Variants in AKR1A1 observed in about 807,000 individuals in gnomAD.
AKR1A1 encodes HEL-S-165mP.
A neutral mutation model predicts 39.2 loss-of-function variants in AKR1A1; 26 were observed. The observed-to-expected ratio is 0.66, with a 90% CI of 0.49 to 0.92. The LOEUF is 0.92. AKR1A1 is among the 40% of genes least tolerant of loss of function. The pLI, the probability that AKR1A1 is intolerant of heterozygous loss-of-function variation, is 0.00. For missense variants in AKR1A1, 378 were observed against 406.5 expected (o/e 0.93, Z 0.60); for synonymous variants, 141 against 155.5 (o/e 0.91, Z 0.69).
intron 2 of AKR1A1, among the ~76,000 whole-genome samples, chr1:45,563,261 G>A (rs550220052): frequency 3.9e-5 from 6 of 151,962 alleles, no homozygotes; most frequent in Non-Finnish European, 7.4e-5. Context: ...TTAGCCAGGC[G>A]TGGTGGCACA....
chr1:45,558,700 A>G (rs1379862917), intron 1 of AKR1A1, among the ~76,000 whole-genome samples: 3 of 151,904 alleles, frequency 2.0e-5, no homozygotes, highest in African/African-American at 7.3e-5. Context: ...ACCCGGCCTA[A>G]TTTTTGTATT....
Position 45,557,652 on chromosome 1 carries a change from C to A in AKR1A1, c.-6-4137C>A, listed in dbSNP as rs575881647. ...GTCATTGGGCATTAAGCCCAGGAAA[C>A]CTGCCTTAGACCCTGGTGGCAGCAG... On this transcript the variant is annotated intron_variant, in intron 1 of 8. Coordinates refer to ENST00000351829, the MANE Select transcript of AKR1A1 (RefSeq NM_153326.3). Among the ~76,000 whole-genome samples the A allele has an allele frequency of 4.6e-5, 7 of 152,290 alleles. No individual in the cohort carries two copies. In the South Asian group the frequency reaches 1.4e-3, roughly 32 times the overall value.
In AKR1A1 at chr1:45,568,973, CCTT is replaced by C. The variant is rs763004555; in HGVS notation, c.802_804del (p.Ser268del). ...GATCTGCATCCCCAAAAGTATCACT[CCTT>C]CTCGAATCCTTCAGAACATCAAGGT... On this transcript the variant is annotated inframe_deletion, in exon 7 of 9. Transcript: ENST00000351829. 5.6e-6 allele frequency: 9 copies of C among 1,614,066 alleles called. No homozygotes were observed. The highest frequency in any genetic ancestry group is 1.6e-4 in the Middle Eastern group (1 of 6,084).
rs61758860 is a variant in AKR1A1 at position 45,568,039 on chromosome 1, C to T, written c.414C>T (p.Thr138=). ...ATGGGACTATATGCTACGACTCCAC[C>T]CACTACAAGGAGACTTGGAAGGCTC... ...NADGTICYDS[T]HYKETWKALE... Residue 138 remains threonine (T), a synonymous_variant, in exon 5 of 9, where the codon ACC becomes ACT. Coordinates refer to ENST00000351829, the MANE Select transcript of AKR1A1 (RefSeq NM_153326.3). 5,951 of 1,613,912 alleles carry T rather than the reference C, an allele frequency of 3.7e-3. 20 individuals carry two copies. The highest frequency in any genetic ancestry group is 4.7e-3 in the Non-Finnish European group (5,505 of 1,179,982).
intron 2 of AKR1A1, among the ~76,000 whole-genome samples, chr1:45,562,330 A>ATT (rs957556536): frequency 0.01 from 1,388 of 132,202 alleles, 16 homozygotes; most frequent in African/African-American, 0.031. Flanking sequence ...AGGTCAGCAA[A>ATT]TTTTTTTTTT....
Position 45,565,529 on chromosome 1 carries a change from A to G in AKR1A1, c.85-1040A>G, listed in dbSNP as rs1382243253. 5.9e-5 allele frequency among the ~76,000 whole-genome samples: 9 copies of G among 151,898 alleles called. No individual in the cohort carries two copies. The East Asian group carries it at 1.7e-3, about 29-fold the overall frequency. ...CTCTGTCTCGCCCAGGATGAAGTGCAGTGGCATGATCTCAGCTCACTGCAG... is the reference window on the plus strand; with the variant it reads ...CTCTGTCTCGCCCAGGATGAAGTGCGGTGGCATGATCTCAGCTCACTGCAG... On this transcript the variant is annotated intron_variant, in intron 2 of 8. Transcript: ENST00000351829.
chr1:45,554,051 C>T (rs1028563988), intron 1 of AKR1A1, among the ~76,000 whole-genome samples: 2 of 151,786 alleles, frequency 1.3e-5, no homozygotes, highest in Admixed American at 1.3e-4. Context: ...CCTGTAATCC[C>T]AGCACTTTAG....
At chr1:45,560,611 A>C (rs530472334) in intron 1 of AKR1A1, among the ~76,000 whole-genome samples, 1 of 152,314 alleles carries the variant, frequency 6.6e-6, no homozygotes, top group East Asian at 1.9e-4. Context: ...CCCTGAGTCT[A>C]AAAAAGAGTT....
chr1:45,563,338 T>G lies in AKR1A1; in HGVS notation c.84+1460T>G, dbSNP rs1480945402. Among the ~76,000 whole-genome samples the G allele has an allele frequency of 4.6e-5, 7 of 152,156 alleles. No homozygotes were observed. In the South Asian group the frequency reaches 1.2e-3, roughly 27 times the overall value. ...TTGCTTGAACCTGGGAGGCAGAGGTTGCAGTGAGCCAAAATTACGCCACTG... is the reference window on the plus strand; with the variant it reads ...TTGCTTGAACCTGGGAGGCAGAGGTGGCAGTGAGCCAAAATTACGCCACTG... On this transcript the variant is annotated intron_variant, in intron 2 of 8. Coordinates refer to ENST00000351829, the MANE Select transcript of AKR1A1 (RefSeq NM_153326.3).
rs1570921916 is a variant in AKR1A1, at chr1:45,569,914, G to A, written c.936G>A (p.Arg312=). Residue 312 remains arginine, a synonymous_variant, in exon 9 of 9, where the codon AGG becomes AGA. Transcript: ENST00000351829. ...AGGTGGATGGGAAGAGAGTCCCAAG[G>A]GATGCAGGGCATCCTCTGTACCCCT... ...MLTVDGKRVP[R]DAGHPLYPFN... 1 of 1,614,162 alleles carries A rather than the reference G, an allele frequency of 6.2e-7. No individual in the cohort carries two copies. The highest frequency in any genetic ancestry group is 8.5e-7 in the Non-Finnish European group (1 of 1,180,014).
chr1:45,561,629 C>G (rs528631430), intron 1 of AKR1A1, among the ~76,000 whole-genome samples, 160 bp from the exon 2 acceptor site: 1 of 152,274 alleles, frequency 6.6e-6, no homozygotes, highest in South Asian at 2.1e-4. Context: ...GTCTTGAACT[C>G]TTGACCTCAG....
intron 1 of AKR1A1, among the ~76,000 whole-genome samples, chr1:45,554,642 A>G (rs940071230): frequency 4.6e-5 from 7 of 152,176 alleles, no homozygotes; most frequent in African/African-American, 1.7e-4. Context: ...ATAATCTGAT[A>G]ATACTCATAA....
At chr1:45,568,798 C>T in intron 6 of AKR1A1, 114 bp downstream of exon 6, 2 of 1,515,538 alleles carry the variant, frequency 1.3e-6, no homozygotes, top group Non-Finnish European at 1.8e-6. Flanking sequence ...GGAGGGAGGC[C>T]ACTGTAGGCA....
intron 1 of AKR1A1, among the ~76,000 whole-genome samples, chr1:45,554,848 G>A (rs1644179666): frequency 6.6e-6 from 1 of 152,044 alleles, no homozygotes; most frequent in Non-Finnish European, 1.5e-5. Flanking sequence ...ACATCACTAT[G>A]CCTGGCTAAT....
chr1:45,562,976 G>T (rs867256228), intron 2 of AKR1A1, among the ~76,000 whole-genome samples: 2 of 152,030 alleles, frequency 1.3e-5, no homozygotes, highest in Non-Finnish European at 2.9e-5. Flanking sequence ...AAAAAAATTC[G>T]AATGCGCCTG....
intron 2 of AKR1A1, among the ~76,000 whole-genome samples, chr1:45,565,687 C>A (rs1644332958): frequency 6.6e-6 from 1 of 151,862 alleles, no homozygotes; most frequent in Non-Finnish European, 1.5e-5. Context: ...GTTGGCCAGG[C>A]TGGTCTCAAA....
rs113411010 is a variant in AKR1A1, at chr1:45,556,616, C to T, written c.-6-5173C>T. On this transcript the variant is annotated intron_variant, in intron 1 of 8. Transcript: ENST00000351829. ...AAGGATAGCCGGGCGCAGTGGCTCA[C>T]GCCTGTAATCCCAGCACTTTGGGAG... Among the ~76,000 whole-genome samples, 769 of 151,854 alleles carry T rather than the reference C, an allele frequency of 5.1e-3. 6 individuals carry two copies. The highest frequency in any genetic ancestry group is 0.017 in the African/African-American group (724 of 41,382).
At chr1:45,554,836 A>G (rs1231411651) in intron 1 of AKR1A1, among the ~76,000 whole-genome samples, 3 of 152,018 alleles carry the variant, frequency 2.0e-5, no homozygotes, top group African/African-American at 7.2e-5. Flanking sequence ...GACCATAGAG[A>G]CACATCACTA....
chr1:45,565,174 A>G (rs1398108613), intron 2 of AKR1A1, among the ~76,000 whole-genome samples: 2 of 113,462 alleles, frequency 1.8e-5, no homozygotes, highest in Non-Finnish European at 3.3e-5. Context: ...CTTGTTGCCC[A>G]GGCTGGAGTG....
Sources: allele counts gnomAD v4.1 joint callset (sites outside exome capture counted in the v4.1 genomes callset), GRCh38; gene constraint gnomAD v4.1.1; transcripts MANE v1.5; gene names NCBI Gene and HGNC (gene_info 2026-07-23, HGNC 2026-07-21).